Variants in NEBL observed in about 807,000 individuals in gnomAD.
NEBL encodes LIM and SH3 protein 2.
NEBL carries 122 observed loss-of-function variants against 140.2 expected under a neutral mutation model. The observed-to-expected ratio is 0.87, with a 90% CI of 0.75 to 1.01. The LOEUF is 1.01. Ranked by LOEUF, NEBL falls within the 50% of genes least tolerant of loss-of-function variation. NEBL has a pLI of 0.00. For synonymous variants in NEBL, 436 were observed against 398.9 expected, an observed-to-expected ratio of 1.09 and a Z score of -1.11; for missense variants, 1,365 against 1,231.3, an observed-to-expected ratio of 1.11 and a Z score of -1.62.
At chr10:20,836,076 C>A (rs1840859877) in intron 13 of NEBL, among the ~76,000 whole-genome samples, 1 of 151,484 alleles carries the variant, frequency 6.6e-6, no homozygotes, top group South Asian at 2.1e-4. Context: ...GTAGATATTG[C>A]ATTTTTTTTT....
chr10:20,826,492 G>C lies in NEBL; in HGVS notation c.1824C>G (p.Ser608Arg). 1 of 1,612,790 alleles carries C rather than the reference G, an allele frequency of 6.2e-7. No individual in the cohort carries two copies. The highest frequency in any genetic ancestry group is 8.5e-7 in the Non-Finnish European group (1 of 1,179,198). ...EVGAGTAVKD[S>R]PEIERVKKNQ... ...TTTTCTTCACTCGTTCGATCTCTGGGCTATCTTTCACTGCAGTGCCAGCTC... is the reference window on the plus strand; with the variant it reads ...TTTTCTTCACTCGTTCGATCTCTGGCCTATCTTTCACTGCAGTGCCAGCTC... The change falls in exon 18 of 28, where the codon AGC becomes AGG. Residue 608 changes from serine (S) to arginine (R), a missense_variant. Ser to Arg is a moderately radical substitution (Grantham distance 110). This residue lies in a region of NEBL where 1,323 missense variants were observed against 1,154.8 expected (regional missense o/e 1.15). Coordinates refer to ENST00000377122, the MANE Select transcript of NEBL (RefSeq NM_006393.3).
rs549558619 is a variant in NEBL at position 21,227,653 on chromosome 10, TTTCTTCTTC to T, written n.348+20259_348+20267del. Among the ~76,000 whole-genome samples, 356 of 83,266 alleles carry T rather than the reference TTTCTTCTTC, an allele frequency of 4.3e-3. 8 individuals are homozygous for T. The highest frequency in any genetic ancestry group is 0.026 in the Middle Eastern group (4 of 152). The allele number at this position is 83,266 out of a possible 152,430, so 54.6% of individuals were successfully genotyped here. On this transcript the variant is annotated intron_variant and non_coding_transcript_variant, in intron 3 of 8. Transcript: ENST00000675702. ...TAAGGGAATTCAAAAGCACTTGAAGTTTCTTCTTCTTCTTCTTCTTCTTCTTCTTCTTCT... is the reference window on the plus strand; with the variant it reads ...TAAGGGAATTCAAAAGCACTTGAAGTTTCTTCTTCTTCTTCTTCTTCTTCT...
At chr10:20,919,226 T>C (rs978854490) in intron 4 of NEBL, among the ~76,000 whole-genome samples, 1 of 152,214 alleles carries the variant, frequency 6.6e-6, no homozygotes, top group Non-Finnish European at 1.5e-5. Flanking sequence ...GAAAATTATA[T>C]ACTTTTTAGA....
chr10:21,217,143 A>G (rs1842005113), intron 3 of NEBL, among the ~76,000 whole-genome samples: 1 of 152,326 alleles, frequency 6.6e-6, no homozygotes, highest in Non-Finnish European at 1.5e-5. Context: ...GTTGGGGAAG[A>G]CTTCTTCAGC....
chr10:20,927,761 T>G (rs1348767667), intron 4 of NEBL, among the ~76,000 whole-genome samples: 2 of 152,204 alleles, frequency 1.3e-5, no homozygotes, highest in African/African-American at 4.8e-5. Flanking sequence ...ATCCCAGTTT[T>G]GCAGCCCTGA....
At chr10:20,869,063 G>T (rs185849663) in intron 6 of NEBL, among the ~76,000 whole-genome samples, 56 of 152,168 alleles carry the variant, frequency 3.7e-4, no homozygotes, top group African/African-American at 1.3e-3. Context: ...ATTTTCTGGG[G>T]AATTGAGACC....
At chr10:21,217,095 G>A (rs1035930244) in intron 3 of NEBL, among the ~76,000 whole-genome samples, 7 of 152,302 alleles carry the variant, frequency 4.6e-5, no homozygotes, top group South Asian at 2.1e-4. Context: ...TGTGAGTGTC[G>A]TTAGCTTCAA....
intron 4 of NEBL, among the ~76,000 whole-genome samples, chr10:20,941,080 A>G (rs1834830741): frequency 6.6e-6 from 1 of 152,210 alleles, no homozygotes; most frequent in African/African-American, 2.4e-5. Flanking sequence ...TCCCTAACTC[A>G]TTTTACGAGG....
intron 3 of NEBL, among the ~76,000 whole-genome samples, chr10:21,226,614 C>T (rs1469267620): frequency 1.3e-5 from 2 of 152,196 alleles, no homozygotes; most frequent in Admixed American, 6.5e-5. Context: ...TGGTCACTGA[C>T]TGAGATCTGC....
chr10:21,174,121 A>C, exon 1 of NEBL: 4 of 750,376 alleles, frequency 5.3e-6, no homozygotes, highest in Non-Finnish European at 6.7e-6. Context: ...CGGGTGACTC[A>C]CACAGTCACT....
At chr10:21,227,735 C>CTTCTTG (rs2132251636) in intron 3 of NEBL, among the ~76,000 whole-genome samples, 1 of 133,872 alleles carries the variant, frequency 7.5e-6, no homozygotes, top group Admixed American at 7.3e-5. Flanking sequence ...TCTTCTTCTT[C>CTTCTTG]TTCTTCTTCT....
rs998642629 is a variant in NEBL at position 20,812,695 on chromosome 10, A to T, written c.2518+74T>A. ...GTGATGAGGAGTCAGATGACTCAAG[A>T]GGGTAATTCTGAAGCTAGAGCAAGC... On this transcript the variant is annotated intron_variant, in intron 24 of 27. Coordinates refer to ENST00000377122, the MANE Select transcript of NEBL (RefSeq NM_006393.3). The T allele has an allele frequency of 1.9e-6, 3 of 1,561,548 alleles. No homozygotes were observed. In the African/African-American group the frequency reaches 4.1e-5, roughly 21 times the overall value.
chr10:20,861,378 C>A (rs1843687613), intron 7 of NEBL, among the ~76,000 whole-genome samples: 1 of 152,106 alleles, frequency 6.6e-6, no homozygotes, highest in Admixed American at 6.5e-5. Flanking sequence ...AGGGTTTCAC[C>A]ATGTTAGCCA....
At position 21,044,397 on chromosome 10, in the gene NEBL, TAAAAAAAAAAAAAA is replaced by T. The variant is rs57176129; in HGVS notation, c.165-24210_165-24197del. 1.7e-4 allele frequency among the ~76,000 whole-genome samples: 6 copies of T among 34,868 alleles called. No individual in the cohort carries two copies. The East Asian group carries it at 3.2e-3, about 19-fold the overall frequency. The allele number at this position is 34,868 out of a possible 152,430, so 22.9% of individuals were successfully genotyped here. A position where few individuals can be genotyped will look rare whatever the true frequency, so the allele number is the denominator to read the frequency against. ...GGGTGACTGGGTGACAGAGTAAGAA[TAAAAAAAAAAAAAA>T]AAAAAAAAAAAAAAAAGCTCCTAAC... On this transcript the variant is annotated intron_variant, in intron 2 of 6. Transcript: ENST00000417816.
At chr10:20,846,517 T>A (rs1841962995) in intron 11 of NEBL, among the ~76,000 whole-genome samples, 1 of 152,172 alleles carries the variant, frequency 6.6e-6, no homozygotes, top group African/African-American at 2.4e-5. Context: ...ACAAAGGATG[T>A]TCTGAAAGTC....
chr10:21,208,967 G>C (rs905892923), intron 3 of NEBL, among the ~76,000 whole-genome samples: 1 of 152,096 alleles, frequency 6.6e-6, no homozygotes, highest in Non-Finnish European at 1.5e-5. Context: ...ATGGTGACTC[G>C]GCCAAATAAG....
At chr10:20,799,429 T>C (rs1836883741) in intron 26 of NEBL, among the ~76,000 whole-genome samples, 1 of 152,218 alleles carries the variant, frequency 6.6e-6, no homozygotes, top group South Asian at 2.1e-4. Flanking sequence ...GTGCTGGGAT[T>C]GCAGGCGTGC....
chr10:20,946,311 T>C (rs1835156163), intron 4 of NEBL, among the ~76,000 whole-genome samples: 1 of 152,198 alleles, frequency 6.6e-6, no homozygotes, highest in Non-Finnish European at 1.5e-5. Context: ...AAAATCTATG[T>C]TTTCAAGAAG....
In NEBL at chr10:20,922,036, C is replaced by T. The variant is rs564098758; in HGVS notation, c.357+39636G>A. Among the ~76,000 whole-genome samples, 11 of 152,326 alleles carry T rather than the reference C, an allele frequency of 7.2e-5. No homozygotes were observed. In the South Asian group the frequency reaches 2.3e-3, roughly 32 times the overall value. On this transcript the variant is annotated intron_variant, in intron 4 of 6. Coordinates refer to the NEBL transcript ENST00000417816. ...AGCAAGCAATGGTCTCCTAAGTAGG[C>T]TCCTAAAATTGTTTTGGCTCTGAAA...
Sources: allele counts gnomAD v4.1 joint callset (sites outside exome capture counted in the v4.1 genomes callset), GRCh38; gene constraint gnomAD v4.1.1; regional missense constraint gnomAD v4.1.1; transcripts MANE v1.5; gene names NCBI Gene and HGNC (gene_info 2026-07-23, HGNC 2026-07-21).